The following ARID2 variants were observed in gnomAD, a reference collection of about 807,000 sequenced individuals.
ARID2 encodes the protein AT-rich interactive domain-containing protein 2.
ARID2 carries 32 observed loss-of-function variants against 184.6 expected under a neutral mutation model. The observed-to-expected ratio is 0.17, with a 90% CI of 0.13 to 0.23. The LOEUF (loss-of-function observed/expected upper bound fraction) is 0.23. Among genes scored for constraint, ARID2 ranks in the 10% least tolerant of loss-of-function variants. The pLI, the probability that ARID2 is intolerant of heterozygous loss-of-function variation, is 1.00. For synonymous variants in ARID2, 836 were observed against 772.6 expected (o/e 1.08, Z -1.36); for missense variants, 1,696 against 2,197.6 (o/e 0.77, Z 4.56).
chr12:45,836,968 A>G lies in ARID2; in HGVS notation c.1000A>G (p.Thr334Ala), dbSNP rs1360763969. Residue 334 changes from threonine (T) to alanine (A), a missense_variant, in exon 8 of 21, where the codon ACA (threonine) becomes GCA (alanine). Physicochemically the swap from Thr to Ala is moderately conservative, Grantham distance 58. This residue lies in a region of ARID2 where 86 missense variants were observed against 200.8 expected (regional missense o/e 0.43). Coordinates refer to ENST00000334344, the MANE Select transcript of ARID2 (RefSeq NM_152641.4). ...FISLRQLGLDTLGNIAAELLL... is the reference protein window; with the variant it reads ...FISLRQLGLDALGNIAAELLL... ...TTCTTTAAGGCAATTAGGCCTTGAC[A>G]CATTAGGAAATATTGCAGCTGAGGT... 3 of 1,613,840 alleles carry G rather than the reference A, an allele frequency of 1.9e-6. No homozygotes were observed. Among genetic ancestry groups the G allele is most frequent in the East Asian group, 2.2e-5 (1 of 44,862 alleles).
At chr12:45,772,161 C>T (rs1286060945) in intron 3 of ARID2, among the ~76,000 whole-genome samples, 1 of 151,794 alleles carries the variant, frequency 6.6e-6, no homozygotes, top group African/African-American at 2.4e-5. Flanking sequence ...TGATGTAATG[C>T]AAAAAGAAAG....
At chr12:45,818,012 A>G (rs1270087932) in intron 5 of ARID2, 124 bp downstream of exon 5, 3 of 689,878 alleles carry the variant, frequency 4.3e-6, no homozygotes, top group Non-Finnish European at 4.5e-6. Flanking sequence ...TTTTTATATT[A>G]TGCATTATTT....
intron 3 of ARID2, among the ~76,000 whole-genome samples, chr12:45,769,005 A>T (rs1941821852): frequency 6.6e-6 from 1 of 152,248 alleles, no homozygotes; most frequent in East Asian, 1.9e-4. Context: ...CACAGAGGGG[A>T]GATTGGGAGA....
intron 3 of ARID2, among the ~76,000 whole-genome samples, chr12:45,776,738 C>T (rs1941988889): frequency 6.6e-6 from 1 of 151,010 alleles, no homozygotes; most frequent in Admixed American, 6.6e-5. Context: ...TCGTTTGAGC[C>T]CAGGAGTTCG....
intron 3 of ARID2, among the ~76,000 whole-genome samples, chr12:45,739,084 T>C (rs1458394216): frequency 6.6e-6 from 1 of 152,038 alleles, no homozygotes; most frequent in Non-Finnish European, 1.5e-5. Flanking sequence ...TTCTCCTGCC[T>C]CAGCCTCCCA....
chr12:45,907,468 T>C lies in ARID2; in HGVS notation c.*2390T>C, dbSNP rs894398482. On this transcript the variant is annotated 3_prime_UTR_variant, in exon 21 of 21. Transcript: ENST00000334344. ...GCTTTTCTGCTATAATATGTAAATA[T>C]GACTGTAGCCTTTTAAGCTTCAGTC... 4 of 233,266 alleles carry C rather than the reference T, an allele frequency of 1.7e-5. No individual in the cohort carries two copies. Among genetic ancestry groups the C allele is most frequent in the South Asian group, 1.8e-4 (1 of 5,530 alleles). The allele number at this position is 233,266 out of a possible 1,614,324, so 14.4% of individuals were successfully genotyped here. A position where few individuals can be genotyped will look rare whatever the true frequency, so the allele number is the denominator to read the frequency against.
chr12:45,753,362 T>C (rs1257897984), intron 3 of ARID2, among the ~76,000 whole-genome samples: 1 of 152,144 alleles, frequency 6.6e-6, no homozygotes, highest in Admixed American at 6.5e-5. Context: ...GAGTTGGCTC[T>C]GGAGGCACAC....
intron 3 of ARID2, among the ~76,000 whole-genome samples, chr12:45,779,224 T>C (rs1265918277): frequency 6.6e-6 from 1 of 152,032 alleles, no homozygotes; most frequent in Non-Finnish European, 1.5e-5. Context: ...AATTACTAAG[T>C]CAGGAAATAT....
rs1395702844 is a variant in ARID2 at position 45,837,600 on chromosome 12, C to G, written c.1223C>G (p.Thr408Ser). Residue 408 changes from threonine (T) to serine (S), a missense_variant, in exon 10 of 21, where the codon ACT (threonine) becomes AGT (serine). Transcript: ENST00000334344. The part of the protein sequence containing the change: ...DSYREIICHL[T>S]LPDVLLVIST... The stretch of plus-strand genomic sequence containing the variant: ...TACAGAGAGATCATTTGTCATCTCA[C>G]TTTACCTGATGTGCTGCTTGTAATC... The G allele has an allele frequency of 5.0e-6, 8 of 1,613,954 alleles. No homozygotes were observed. Among genetic ancestry groups the G allele is most frequent in the Admixed American group, 1.7e-5 (1 of 60,002 alleles).
At position 45,857,322 on chromosome 12, in the gene ARID2, A is replaced by G. The variant is rs191545633; in HGVS notation, c.4774-3479A>G. On this transcript the variant is annotated intron_variant, in intron 15 of 20. Coordinates refer to ENST00000334344, the MANE Select transcript of ARID2 (RefSeq NM_152641.4). ...TCAACCCATCAGAAAATAGATTGGT[A>G]GCCTCAGGCGGGGGCAGCATTTAGT... Among the ~76,000 whole-genome samples the G allele has an allele frequency of 1.5e-3, 236 of 152,330 alleles. 1 individual carries two copies. Among genetic ancestry groups the G allele is most frequent in the East Asian group, 4.4e-3 (23 of 5,188 alleles).
At chr12:45,853,609 A>G (rs1943595504) in intron 15 of ARID2, among the ~76,000 whole-genome samples, 1 of 152,222 alleles carries the variant, frequency 6.6e-6, no homozygotes, top group Admixed American at 6.5e-5. Context: ...TTTTAAGGAC[A>G]ATCTTATATG....
chr12:45,819,481 G>A (rs1445454781), intron 5 of ARID2, among the ~76,000 whole-genome samples: 2 of 152,068 alleles, frequency 1.3e-5, no homozygotes, highest in Admixed American at 6.6e-5. Flanking sequence ...TAATTCCTTT[G>A]GAGTTTGAAG....
intron 3 of ARID2, among the ~76,000 whole-genome samples, chr12:45,762,843 AT>A (rs1470057250): frequency 6.6e-6 from 1 of 152,250 alleles, no homozygotes; most frequent in Non-Finnish European, 1.5e-5. Flanking sequence ...TTATGAAGAG[AT>A]AAGAGAACAA....
At chr12:45,749,336 T>G (rs917529704) in intron 3 of ARID2, among the ~76,000 whole-genome samples, 3 of 152,210 alleles carry the variant, frequency 2.0e-5, no homozygotes, top group African/African-American at 7.2e-5. Context: ...GTTTCAACAC[T>G]GAGCTCAAAA....
At chr12:45,899,788 C>G (rs889328889) in intron 20 of ARID2, among the ~76,000 whole-genome samples, 1 of 80,240 alleles carries the variant, frequency 1.2e-5, no homozygotes, top group Non-Finnish European at 3.4e-5. Context: ...ACCCCCCCCT[C>G]CCACCTCCAA....
chr12:45,846,969 C>T lies in ARID2; in HGVS notation c.1580+32C>T, dbSNP rs1192162979. The stretch of plus-strand genomic sequence containing the variant: ...GGTTTATTTCTATTAAGGATTTATC[C>T]TTGGGAGGAGTAAAGCAAAGAAAAA... On this transcript the variant is annotated intron_variant, in intron 12 of 20. Transcript: ENST00000334344. 2.5e-6 allele frequency: 4 copies of T among 1,591,314 alleles called. No homozygotes were observed. In the South Asian group the frequency reaches 3.3e-5, roughly 13 times the overall value.
rs1944552176 is a variant in ARID2, at chr12:45,907,990, G to A, written c.*2912G>A. 4.4e-6 allele frequency: 1 copy of A among 228,788 alleles called. No individual in the cohort carries two copies. The highest frequency in any genetic ancestry group is 8.7e-6 in the Non-Finnish European group (1 of 115,454). The allele number at this position is 228,788 out of a possible 1,614,324, so 14.2% of individuals were successfully genotyped here. On this transcript the variant is annotated 3_prime_UTR_variant, in exon 21 of 21. Coordinates refer to ENST00000334344, the MANE Select transcript of ARID2 (RefSeq NM_152641.4). Reference sequence around the variant, plus strand: ...TCTCATTACTTTATAGTCATGTCATGTATGTTTTTTTAACCATGAAATGAC... The same window carrying A: ...TCTCATTACTTTATAGTCATGTCATATATGTTTTTTTAACCATGAAATGAC...
At chr12:45,835,401 G>A (rs2138122583) in intron 6 of ARID2, among the ~76,000 whole-genome samples, 1 of 151,852 alleles carries the variant, frequency 6.6e-6, no homozygotes, top group South Asian at 2.1e-4. Context: ...AACATTGTTT[G>A]TCATAGATTT....
chr12:45,891,763 A>G lies in ARID2; in HGVS notation c.4923-17A>G, dbSNP rs780410688. ...ACTTGAATACATCCAAGTGTCTACT[A>G]CTTTTATTTTTTATAGGTGGTTTCA... is the stretch of plus-strand genomic sequence containing the variant. On this transcript the variant is annotated splice_polypyrimidine_tract_variant and intron_variant, in intron 16 of 20. Coordinates refer to ENST00000334344, the MANE Select transcript of ARID2 (RefSeq NM_152641.4). 14 of 1,608,802 alleles carry G rather than the reference A, an allele frequency of 8.7e-6. No individual in the cohort carries two copies. Among genetic ancestry groups the G allele is most frequent in the South Asian group, 1.1e-5 (1 of 89,574 alleles).
Sources: allele counts gnomAD v4.1 joint callset (sites outside exome capture counted in the v4.1 genomes callset), GRCh38; gene constraint gnomAD v4.1.1; regional missense constraint gnomAD v4.1.1; transcripts MANE v1.5; gene names NCBI Gene and HGNC (gene_info 2026-07-23, HGNC 2026-07-21).